The following TMEM181 variants were observed in gnomAD, a reference collection of about 807,000 sequenced individuals.
The protein encoded by TMEM181 is G protein-coupled receptor 178.
Under a neutral mutation model 71.9 loss-of-function variants are expected in TMEM181, and 39 were observed. The ratio of observed to expected loss-of-function variants is 0.54; its 90% CI spans 0.42 to 0.71. The LOEUF (loss-of-function observed/expected upper bound fraction) is 0.71. Among genes scored for constraint, TMEM181 ranks in the 30% least tolerant of loss-of-function variants. The probability of loss-of-function intolerance (pLI) is 0.00; values close to 1 mark genes in which losing one functional copy is unlikely to be tolerated. For missense variants in TMEM181, 595 were observed against 583.0 expected, an observed-to-expected ratio of 1.02 and a Z score of -0.21; for synonymous variants, 245 against 228.8, an observed-to-expected ratio of 1.07 and a Z score of -0.64.
chr6:158,567,434 G>A (rs1406902081), intron 1 of TMEM181, among the ~76,000 whole-genome samples: 5 of 152,224 alleles, frequency 3.3e-5, no homozygotes, highest in Non-Finnish European at 4.4e-5. Context: ...GTGCCAAGCC[G>A]TTCGCCGTCA....
intron 1 of TMEM181, among the ~76,000 whole-genome samples, chr6:158,548,655 G>A (rs1781619719): frequency 6.6e-6 from 1 of 152,150 alleles, no homozygotes; most frequent in African/African-American, 2.4e-5. Context: ...TGAGGAAATG[G>A]GTGTCTTATT....
intron 13 of TMEM181, among the ~76,000 whole-genome samples, 153 bp downstream of exon 13, chr6:158,625,907 C>T (rs112416819): frequency 4.1e-4 from 62 of 152,304 alleles, no homozygotes; most frequent in African/African-American, 1.4e-3. Context: ...GCTGGGCAGC[C>T]GAGAGCAGCC....
chr6:158,610,752 C>T (rs779901755), intron 10 of TMEM181: 3 of 300,134 alleles, frequency 1.0e-5, no homozygotes, highest in East Asian at 7.2e-5. Context: ...TCGGGCTGCT[C>T]CTCCCAGCCT....
intron 1 of TMEM181, among the ~76,000 whole-genome samples, chr6:158,541,898 C>CTTTTTT (rs10583860): frequency 5.9e-4 from 39 of 66,620 alleles, no homozygotes; most frequent in Admixed American, 7.0e-4. Flanking sequence ...GGGATTTTAT[C>CTTTTTT]TTTTTTTTTT....
At chr6:158,609,964 C>T (rs986708069) in intron 10 of TMEM181, 2 of 225,694 alleles carry the variant, frequency 8.9e-6, no homozygotes, top group South Asian at 7.8e-5. Context: ...TGAGGCCCAC[C>T]GACGTTGGGA....
At chr6:158,584,194 A>G in intron 4 of TMEM181, 150 bp downstream of exon 4, 1 of 685,040 alleles carries the variant, frequency 1.5e-6, no homozygotes, top group Non-Finnish European at 2.3e-6. Context: ...CAAATTGGAA[A>G]CCCCTTAAAT....
At chr6:158,572,551 C>G (rs1327746790) in intron 1 of TMEM181, 1 of 451,746 alleles carries the variant, frequency 2.2e-6, no homozygotes, top group African/African-American at 2.0e-5. Context: ...CACAGCCATG[C>G]TCGTGCGTCC....
At chr6:158,589,363 A>G (rs1314934636) in intron 5 of TMEM181, among the ~76,000 whole-genome samples, 3 of 152,238 alleles carry the variant, frequency 2.0e-5, no homozygotes, top group Non-Finnish European at 2.9e-5. Flanking sequence ...CTAGTGTTAT[A>G]TATTTATGGA....
At chr6:158,609,850 A>G (rs894737859) in intron 10 of TMEM181, 13 of 238,254 alleles carry the variant, frequency 5.5e-5, no homozygotes, top group Admixed American at 1.2e-4. Flanking sequence ...GAACCCGGCT[A>G]GGGAGGAAGT....
At chr6:158,541,715 A>G (rs560271117) in intron 1 of TMEM181, among the ~76,000 whole-genome samples, 70 of 152,198 alleles carry the variant, frequency 4.6e-4, no homozygotes, top group African/African-American at 1.6e-3. Flanking sequence ...TTTAAGGCCA[A>G]CGTTATTTCC....
chr6:158,568,959 T>C (rs903482619), intron 1 of TMEM181, among the ~76,000 whole-genome samples: 1 of 152,178 alleles, frequency 6.6e-6, no homozygotes, highest in Non-Finnish European at 1.5e-5. Context: ...AAGTCTGTGG[T>C]TTTTTGGCTC....
chr6:158,537,582 C>A (rs887636569), intron 1 of TMEM181, among the ~76,000 whole-genome samples: 1 of 152,194 alleles, frequency 6.6e-6, no homozygotes, highest in Non-Finnish European at 1.5e-5. Context: ...AAAGTCTGTT[C>A]ACCGCCAATG....
chr6:158,537,464 A>T (rs1282347350), intron 1 of TMEM181, among the ~76,000 whole-genome samples: 1 of 152,080 alleles, frequency 6.6e-6, no homozygotes, highest in Non-Finnish European at 1.5e-5. Flanking sequence ...GTTTGCGTTC[A>T]TCTCTGTCTC....
At position 158,580,934 on chromosome 6, in the gene TMEM181, C is replaced by T. The variant is rs777957960; in HGVS notation, c.113-6C>T. The T allele has an allele frequency of 1.9e-6, 3 of 1,601,552 alleles. No individual in the cohort carries two copies. The highest frequency in any genetic ancestry group is 2.2e-5 in the South Asian group (2 of 90,480). ...TCTGCTTTTGTCCTTTTCTGTTACACTTTAGGACCTAAAGTGATCCAGACT... is the reference window on the plus strand; with the variant it reads ...TCTGCTTTTGTCCTTTTCTGTTACATTTTAGGACCTAAAGTGATCCAGACT... On this transcript the variant is annotated splice_polypyrimidine_tract_variant and splice_region_variant and intron_variant, in intron 2 of 16. Coordinates refer to ENST00000684151, the MANE Select transcript of TMEM181 (RefSeq NM_001376852.1).
chr6:158,553,078 C>T (rs1303632998), intron 1 of TMEM181, among the ~76,000 whole-genome samples: 1 of 151,780 alleles, frequency 6.6e-6, no homozygotes, highest in Non-Finnish European at 1.5e-5. Flanking sequence ...GTTCCAGTTA[C>T]ATGGGTGGCT....
In TMEM181 at chr6:158,579,029, C is replaced by T. The variant is rs543246235; in HGVS notation, c.113-1911C>T. ...ATCCCAGCACTTTGGGAGGCTGAGG[C>T]GGGTGAATCACCTGAGGTTAGAAGT... On this transcript the variant is annotated intron_variant, in intron 2 of 16. Transcript: ENST00000684151. Among the ~76,000 whole-genome samples the T allele has an allele frequency of 1.3e-4, 19 of 150,550 alleles. No individual in the cohort carries two copies. In the South Asian group the frequency reaches 2.5e-3, roughly 20 times the overall value.
chr6:158,544,116 G>C (rs1781444434), intron 1 of TMEM181, among the ~76,000 whole-genome samples: 1 of 151,702 alleles, frequency 6.6e-6, no homozygotes, highest in South Asian at 2.1e-4. Flanking sequence ...CTCCCCGGCA[G>C]AGGTGTCTGA....
intron 1 of TMEM181, among the ~76,000 whole-genome samples, chr6:158,554,149 G>A (rs939553556): frequency 4.6e-5 from 7 of 150,756 alleles, no homozygotes; most frequent in African/African-American, 9.8e-5. Flanking sequence ...ACAATGGCCC[G>A]GTCTTGGCTC....
upstream of TMEM181, among the ~76,000 whole-genome samples, chr6:158,556,850 C>T (rs1781907908): frequency 6.6e-6 from 1 of 152,076 alleles, no homozygotes; most frequent in Non-Finnish European, 1.5e-5. Context: ...GTAACCTCTG[C>T]CTCCTGGGTT....
Sources: allele counts gnomAD v4.1 joint callset (sites outside exome capture counted in the v4.1 genomes callset), GRCh38; gene constraint gnomAD v4.1.1; transcripts MANE v1.5; gene names NCBI Gene and HGNC (gene_info 2026-07-23, HGNC 2026-07-21).